AGBL1: variants seen among roughly 807,000 people sequenced by gnomAD.
The protein encoded by AGBL1 is AGBL carboxypeptidase 1, also known as cytosolic carboxypeptidase 4.
In AGBL1, 130 loss-of-function variants were observed where a neutral mutation model predicts 118.9. That is an observed-to-expected ratio of 1.09 (90% CI 0.95 to 1.26). The LOEUF (loss-of-function observed/expected upper bound fraction) is 1.26. Among genes scored for constraint, AGBL1 ranks in the 50% most tolerant of loss-of-function variants. The pLI, the probability that AGBL1 is intolerant of heterozygous loss-of-function variation, is 0.00. For synonymous variants in AGBL1, 555 were observed against 478.9 expected (o/e 1.16, Z -2.08); for missense variants, 1,584 against 1,298.1 (o/e 1.22, Z -3.38).
intron 1 of AGBL1, among the ~76,000 whole-genome samples, chr15:86,110,422 A>T (rs576432592): frequency 6.4e-4 from 93 of 144,630 alleles, no homozygotes; most frequent in East Asian, 1.5e-3. Flanking sequence ...TAAAAATCAT[A>T]AGAAAGAAAA....
At chr15:86,828,522 G>C (rs1423876579) in intron 22 of AGBL1, among the ~76,000 whole-genome samples, 1 of 152,072 alleles carries the variant, frequency 6.6e-6, no homozygotes, top group African/African-American at 2.4e-5. Context: ...AGAGACTGTA[G>C]AGATGCACTT....
At chr15:86,298,418 T>A (rs1302091128) in intron 17 of AGBL1, among the ~76,000 whole-genome samples, 6 of 146,672 alleles carry the variant, frequency 4.1e-5, no homozygotes, top group Non-Finnish European at 7.4e-5. Flanking sequence ...GCCGTTGCTG[T>A]GTTTCTAAAA....
chr15:86,630,265 G>C (rs2084943221), intron 21 of AGBL1: 1 of 152,288 alleles, frequency 6.6e-6, no homozygotes, highest in Admixed American at 6.5e-5. Context: ...GGCTGTTGGT[G>C]AGATGGTGGC....
At chr15:86,566,429 A>G (rs978781521) in intron 21 of AGBL1, among the ~76,000 whole-genome samples, 4 of 152,162 alleles carry the variant, frequency 2.6e-5, no homozygotes, top group Admixed American at 2.6e-4. Context: ...TTTCTAGAGT[A>G]TACAAAGAGG....
At chr15:86,838,195 CTTATGT>C (rs1555455538) in intron 22 of AGBL1, among the ~76,000 whole-genome samples, 1 of 150,352 alleles carries the variant, frequency 6.7e-6, no homozygotes, top group Non-Finnish European at 1.5e-5. Flanking sequence ...AAAAAAAAAT[CTTATGT>C]TTATATTTTT....
chr15:86,714,501 T>C (rs945442240), intron 22 of AGBL1, among the ~76,000 whole-genome samples: 1 of 152,178 alleles, frequency 6.6e-6, no homozygotes, highest in African/African-American at 2.4e-5. Context: ...TGTGTGCAGA[T>C]AATCAGGAGC....
chr15:86,642,946 G>C (rs1371531386), intron 21 of AGBL1, among the ~76,000 whole-genome samples: 1 of 152,094 alleles, frequency 6.6e-6, no homozygotes, highest in Non-Finnish European at 1.5e-5. Context: ...AATATACCAG[G>C]ATGGTAAATA....
At chr15:86,953,141 G>A (rs956512750) in intron 23 of AGBL1, among the ~76,000 whole-genome samples, 1 of 152,002 alleles carries the variant, frequency 6.6e-6, no homozygotes, top group Non-Finnish European at 1.5e-5. Flanking sequence ...AATTGCTTTG[G>A]CTATTTTGGC....
intron 19 of AGBL1, among the ~76,000 whole-genome samples, chr15:86,544,661 G>C (rs1231896838): frequency 2.0e-5 from 3 of 152,188 alleles, no homozygotes; most frequent in African/African-American, 7.2e-5. Context: ...GCTATCAGGA[G>C]AACAGCATGG....
chr15:86,558,721 C>T (rs891065978), intron 21 of AGBL1, among the ~76,000 whole-genome samples: 14 of 152,146 alleles, frequency 9.2e-5, no homozygotes, highest in African/African-American at 2.9e-4. Context: ...ATCGGAACTC[C>T]GTGTTCAGGG....
rs529913129 is a variant in AGBL1, at chr15:86,097,535, CTTT to C, written c.51+17527_51+17529del. Among the ~76,000 whole-genome samples, 35 of 139,174 alleles carry C rather than the reference CTTT, an allele frequency of 2.5e-4. No homozygotes were observed. In the South Asian group the frequency reaches 4.8e-3, roughly 19 times the overall value. 91.3% of individuals were successfully genotyped at this position (139,174 alleles called of 152,430 possible). ...CTAATCTCTATTTCCATGAGATCCA[CTTT>C]TTTTTTTTTTTTTTAGCTCCCACGT... On this transcript the variant is annotated intron_variant, in intron 1 of 22. Coordinates refer to ENST00000614907, the MANE Select transcript of AGBL1 (RefSeq NM_001386094.1).
chr15:86,145,067 C>T (rs1480976256), intron 3 of AGBL1, among the ~76,000 whole-genome samples: 2 of 152,140 alleles, frequency 1.3e-5, no homozygotes, highest in Non-Finnish European at 2.9e-5. Flanking sequence ...CTGATCTCTG[C>T]CTCCATCTTC....
At chr15:86,837,854 T>C (rs2141429970) in intron 22 of AGBL1, among the ~76,000 whole-genome samples, 1 of 152,286 alleles carries the variant, frequency 6.6e-6, no homozygotes, top group East Asian at 1.9e-4. Context: ...TTCAGGCTAG[T>C]TCTGTATTCT....
intron 18 of AGBL1, among the ~76,000 whole-genome samples, chr15:86,472,588 C>T (rs189942265): frequency 5.4e-4 from 82 of 152,254 alleles, no homozygotes; most frequent in African/African-American, 1.9e-3. Flanking sequence ...AACTGGAGAA[C>T]ATGCTAATTG....
intron 17 of AGBL1, among the ~76,000 whole-genome samples, chr15:86,344,983 A>ATTAATTAT (rs1213407024): frequency 2.0e-5 from 3 of 152,124 alleles, no homozygotes; most frequent in Non-Finnish European, 4.4e-5. Flanking sequence ...TTTTCCTACA[A>ATTAATTAT]TTAATTATTT....
chr15:86,756,707 G>A lies in AGBL1; in HGVS notation c.3158+82271G>A, dbSNP rs373020796. Among the ~76,000 whole-genome samples the A allele has an allele frequency of 5.3e-5, 8 of 152,018 alleles. No individual in the cohort carries two copies. In the East Asian group the frequency reaches 5.8e-4, roughly 11 times the overall value. On this transcript the variant is annotated intron_variant, in intron 22 of 22. Transcript: ENST00000614907. ...GGGTGCAGCATTTGTAAAACCTGGA[G>A]CATCATGGGAGTGAAGTTCAGTATG...
At chr15:86,661,657 A>G (rs1444071209) in intron 21 of AGBL1, among the ~76,000 whole-genome samples, 2 of 152,082 alleles carry the variant, frequency 1.3e-5, no homozygotes, top group African/African-American at 4.8e-5. Context: ...ACGGACTCTC[A>G]TTGGTCAGTG....
At chr15:86,396,889 C>T (rs1351030821) in intron 17 of AGBL1, among the ~76,000 whole-genome samples, 4 of 152,152 alleles carry the variant, frequency 2.6e-5, no homozygotes, top group Non-Finnish European at 4.4e-5. Flanking sequence ...TAGCATCATG[C>T]TATTGAACTC....
At chr15:86,778,802 G>A (rs184004873) in intron 22 of AGBL1, among the ~76,000 whole-genome samples, 186 of 152,252 alleles carry the variant, frequency 1.2e-3, no homozygotes, top group Non-Finnish European at 2.0e-3. Flanking sequence ...CAAAGATAAT[G>A]GGATTAAGAG....
Sources: allele counts gnomAD v4.1 joint callset (sites outside exome capture counted in the v4.1 genomes callset), GRCh38; gene constraint gnomAD v4.1.1; transcripts MANE v1.5; gene names NCBI Gene and HGNC (gene_info 2026-07-23, HGNC 2026-07-21).